HTR2C: variants seen among roughly 807,000 people sequenced by gnomAD.
The protein encoded by HTR2C is 5-hydroxytryptamine receptor 2C, also known as 5-hydroxytryptamine (serotonin) receptor 2C, G protein-coupled.
HTR2C carries 5 observed loss-of-function variants against 21.0 expected under a neutral mutation model. The observed-to-expected ratio is 0.24, with a 90% CI of 0.12 to 0.50. The LOEUF (loss-of-function observed/expected upper bound fraction) is 0.50, where lower values mean the gene tolerates loss of function less well. Among genes scored for constraint, HTR2C ranks in the 20% least tolerant of loss-of-function variants. The pLI is 0.98. For missense variants in HTR2C, 271 were observed against 371.2 expected (o/e 0.73, Z 2.22); for synonymous variants, 150 against 145.3 (o/e 1.03, Z -0.23).
intron 4 of HTR2C, among the ~76,000 whole-genome samples, chrX:114,835,605 T>C (rs1196533234): frequency 9.0e-6 from 1 of 111,181 alleles, no homozygotes; most frequent in Non-Finnish European, 1.9e-5. Flanking sequence ...TTATACATTC[T>C]TCTAAATTTT....
intron 4 of HTR2C, among the ~76,000 whole-genome samples, chrX:114,733,035 G>A (rs890630862): frequency 1.2e-4 from 13 of 111,874 alleles, no homozygotes; most frequent in Non-Finnish European, 1.9e-4. Context: ...ATGCTGTTGC[G>A]TAGAAGAAGA....
intron 2 of HTR2C, among the ~76,000 whole-genome samples, chrX:114,664,799 G>A (rs781842483): frequency 2.7e-5 from 3 of 111,763 alleles, no homozygotes; most frequent in Non-Finnish European, 5.6e-5. Context: ...TTGCCACACT[G>A]TCTTCCACAA....
chrX:114,833,037 C>T (rs369036197), intron 4 of HTR2C, among the ~76,000 whole-genome samples: 2 of 87,037 alleles, frequency 2.3e-5, no homozygotes, highest in South Asian at 7.2e-4. Flanking sequence ...GCCTTGCATC[C>T]CAGGGATGAA....
chrX:114,642,590 A>C (rs906264358), intron 2 of HTR2C, among the ~76,000 whole-genome samples: 2 of 112,035 alleles, frequency 1.8e-5, no homozygotes, highest in Non-Finnish European at 3.8e-5. Context: ...ACACGGGTAG[A>C]TGCCAGTCAG....
chrX:114,748,432 G>A (rs971864245), intron 4 of HTR2C, among the ~76,000 whole-genome samples: 1 of 110,979 alleles, frequency 9.0e-6, no homozygotes, highest in Non-Finnish European at 1.9e-5. Context: ...ATGCAGAAAG[G>A]CAAAAGAACT....
At chrX:114,847,007 A>C (rs1220666814) in intron 4 of HTR2C, among the ~76,000 whole-genome samples, 1 of 111,501 alleles carries the variant, frequency 9.0e-6, no homozygotes, top group Admixed American at 9.5e-5. Context: ...AGAATTTAAG[A>C]AAACAATTCT....
intron 5 of HTR2C, among the ~76,000 whole-genome samples, chrX:114,886,028 T>C (rs1432875466): frequency 1.8e-5 from 2 of 111,348 alleles, no homozygotes; most frequent in Admixed American, 9.6e-5. Flanking sequence ...TGCATTTTGG[T>C]GTTCTGTTAT....
intron 5 of HTR2C, among the ~76,000 whole-genome samples, chrX:114,884,758 A>T (rs1270469508): frequency 1.8e-5 from 2 of 111,702 alleles, no homozygotes; most frequent in Non-Finnish European, 3.8e-5. Flanking sequence ...TTTGTCTAAA[A>T]GTATTTTCTA....
At chrX:114,848,289 G>A in intron 5 of HTR2C, 86 bp downstream of exon 5, 2 of 576,003 alleles carry the variant, frequency 3.5e-6, no homozygotes, top group East Asian at 3.6e-5. Flanking sequence ...TACAGACGTC[G>A]ACTGGTAACA....
intron 4 of HTR2C, among the ~76,000 whole-genome samples, chrX:114,796,903 T>C (rs1367831800): frequency 8.9e-6 from 1 of 111,762 alleles, no homozygotes; most frequent in East Asian, 2.8e-4. Flanking sequence ...GTCATGCAGA[T>C]GCATATTCCA....
chrX:114,795,170 GTCT>G (rs2070277860), intron 4 of HTR2C, among the ~76,000 whole-genome samples: 1 of 110,755 alleles, frequency 9.0e-6, no homozygotes, highest in African/African-American at 3.3e-5. Flanking sequence ...CTGCATAAAT[GTCT>G]TCTTTTGTGA....
rs781841737 is a variant in HTR2C, at chrX:114,694,374, T to C, written c.-79-32484T>C. Among the ~76,000 whole-genome samples the C allele has an allele frequency of 6.6e-5, 7 of 105,707 alleles. No homozygotes were observed. In the South Asian group the frequency reaches 2.9e-3, roughly 43 times the overall value. The allele number at this position is 105,707 out of a possible 115,157, so 91.8% of individuals were successfully genotyped here. A position where few individuals can be genotyped will look rare whatever the true frequency, so the allele number is the denominator to read the frequency against. On this transcript the variant is annotated intron_variant, in intron 2 of 5. Transcript: ENST00000276198. ...ACCCAAAATACATTCCATCTACTTG[T>C]GCGTTATGAAACCATGGATTATATG...
chrX:114,639,152 TCTC>T (rs782180125), intron 2 of HTR2C, among the ~76,000 whole-genome samples: 5 of 112,205 alleles, frequency 4.5e-5, no homozygotes, highest in South Asian at 3.7e-4. Flanking sequence ...AAAAAGGGCT[TCTC>T]CTATTACAAA....
At chrX:114,860,964 T>C (rs2071001985) in intron 5 of HTR2C, among the ~76,000 whole-genome samples, 1 of 111,560 alleles carries the variant, frequency 9.0e-6, no homozygotes, top group South Asian at 3.7e-4. Context: ...ATGAGATACA[T>C]AGAGATAGTA....
rs202023791 is a variant in HTR2C at position 114,821,941 on chromosome X, C to T, written c.350-26062C>T. On this transcript the variant is annotated intron_variant, in intron 4 of 5. Transcript: ENST00000276198. ...TCTCTGAGGCTGGAGTGCAGTGGCA[C>T]GATTTTGGCTTACTCCTACCTCAGC... Among the ~76,000 whole-genome samples, 19 of 102,123 alleles carry T rather than the reference C, an allele frequency of 1.9e-4. No homozygotes were observed. In the East Asian group the frequency reaches 3.4e-3, roughly 18 times the overall value. 88.7% of individuals were successfully genotyped at this position (102,123 alleles called of 115,157 possible).
At chrX:114,861,768 T>C (rs1399744471) in intron 5 of HTR2C, among the ~76,000 whole-genome samples, 2 of 111,652 alleles carry the variant, frequency 1.8e-5, no homozygotes, top group African/African-American at 6.5e-5. Flanking sequence ...CTGTTGGAGA[T>C]TTTTATGTCT....
At chrX:114,847,372 G>C (rs2070881692) in intron 4 of HTR2C, among the ~76,000 whole-genome samples, 1 of 91,888 alleles carries the variant, frequency 1.1e-5, no homozygotes, top group South Asian at 6.1e-4. Context: ...TCACTCATAG[G>C]TGGGAATTGA....
At position 114,812,753 on chromosome X, in the gene HTR2C, CAAAAAAAA is replaced by C. The variant is rs55961441; in HGVS notation, c.350-35246_350-35239del. Among the ~76,000 whole-genome samples the C allele has an allele frequency of 4.8e-5, 5 of 103,541 alleles. No homozygotes were observed. In the South Asian group the frequency reaches 1.7e-3, roughly 35 times the overall value. The allele number at this position is 103,541 out of a possible 115,157, so 89.9% of individuals were successfully genotyped here. ...CAAAAGAAACAAACAAACAAACAAA[CAAAAAAAA>C]AAACAAAAAAACAAGGCTATCTTGT... On this transcript the variant is annotated intron_variant, in intron 4 of 5. Transcript: ENST00000276198.
intron 1 of HTR2C, among the ~76,000 whole-genome samples, chrX:114,609,094 G>T (rs1289063864): frequency 1.8e-5 from 2 of 111,547 alleles, no homozygotes; most frequent in Admixed American, 1.9e-4. Flanking sequence ...CAGTGGTGTG[G>T]CATAACACAT....
Sources: allele counts gnomAD v4.1 joint callset (sites outside exome capture counted in the v4.1 genomes callset), GRCh38; gene constraint gnomAD v4.1.1; transcripts MANE v1.5; gene names NCBI Gene and HGNC (gene_info 2026-07-23, HGNC 2026-07-21).